TENM1: variants seen among roughly 807,000 people sequenced by gnomAD.
TENM1 encodes teneurin transmembrane protein 1, also known as teneurin-1.
TENM1 carries 35 observed loss-of-function variants against 174.8 expected under a neutral mutation model. That is an observed-to-expected ratio of 0.20 (90% CI 0.15 to 0.27). TENM1 has a LOEUF of 0.27. Among genes scored for constraint, TENM1 ranks in the 10% least tolerant of loss-of-function variants. The pLI, the probability that TENM1 is intolerant of heterozygous loss-of-function variation, is 1.00. For synonymous variants in TENM1, 781 were observed against 798.7 expected, an observed-to-expected ratio of 0.98 and a Z score of 0.37; for missense variants, 1,633 against 2,130.1, an observed-to-expected ratio of 0.77 and a Z score of 4.59.
Position 124,810,425 on chromosome X carries a change from T to C in TENM1, c.536-73228A>G, listed in dbSNP as rs773995415. Among the ~76,000 whole-genome samples the C allele has an allele frequency of 4.5e-5, 5 of 111,012 alleles. No homozygotes were observed. The South Asian group carries it at 1.5e-3, about 33-fold the overall frequency. The stretch of plus-strand genomic sequence containing the variant: ...TGTTTCTCCAACTTAATGAGTTATC[T>C]GAAAGAGAAAGAAAAACAATCCTGT... On this transcript the variant is annotated intron_variant, in intron 3 of 31. Coordinates refer to ENST00000422452, the Ensembl canonical transcript of TENM1.
the TENM1 span, among the ~76,000 whole-genome samples, chrX:125,201,975 G>A: frequency 4.9e-4 from 55 of 111,186 alleles, no homozygotes; most frequent in Admixed American, 5.2e-3. Context: ...AGCAAGGAGC[G>A]GGGGTGAGCA....
intron 11 of TENM1, among the ~76,000 whole-genome samples, chrX:124,597,946 C>A (rs982192638): frequency 4.5e-5 from 5 of 111,070 alleles, no homozygotes; most frequent in African/African-American, 1.6e-4. Context: ...AAGAAACAAC[C>A]CACAGAATGG....
the TENM1 span, among the ~76,000 whole-genome samples, chrX:125,073,714 T>C: frequency 9.0e-6 from 1 of 111,199 alleles, no homozygotes; most frequent in African/African-American, 3.3e-5. Context: ...GAGGCCCTAA[T>C]GTCTGCCAAG....
At chrX:124,409,374 C>A (rs1381616870) in intron 25 of TENM1, among the ~76,000 whole-genome samples, 1 of 108,564 alleles carries the variant, frequency 9.2e-6, no homozygotes, top group Non-Finnish European at 1.9e-5. Context: ...GGACGTATCT[C>A]AAAATAATAA....
At chrX:124,667,295 T>TTAAA (rs1281888034) in intron 6 of TENM1, among the ~76,000 whole-genome samples, 2 of 111,503 alleles carry the variant, frequency 1.8e-5, no homozygotes, top group Non-Finnish European at 3.8e-5. Flanking sequence ...TGTTTACTGG[T>TTAAA]TAAATAGTTA....
chrX:124,706,219 C>T (rs1482974215), intron 4 of TENM1, among the ~76,000 whole-genome samples: 2 of 112,172 alleles, frequency 1.8e-5, no homozygotes, highest in African/African-American at 6.5e-5. Flanking sequence ...AGTTTTTAAG[C>T]ATTTTGAAGT....
At chrX:124,881,420 C>CT (rs113458116) in intron 3 of TENM1, among the ~76,000 whole-genome samples, 21 of 108,893 alleles carry the variant, frequency 1.9e-4, no homozygotes, top group African/African-American at 3.7e-4. Context: ...GGTCTACTCT[C>CT]TTTTTTTTTG....
At chrX:124,439,911 T>A (rs1468633075) in intron 23 of TENM1, among the ~76,000 whole-genome samples, 1 of 111,761 alleles carries the variant, frequency 8.9e-6, no homozygotes, top group Non-Finnish European at 1.9e-5. Flanking sequence ...AGTAACATTA[T>A]CACCCCCATT....
exon 32 of TENM1, chrX:124,377,531 T>C (rs1194848986): frequency 2.7e-5 from 3 of 112,030 alleles, no homozygotes; most frequent in Non-Finnish European, 5.6e-5. Context: ...AGTAAACATA[T>C]TTAAATGTGT....
intron 1 of TENM1, among the ~76,000 whole-genome samples, chrX:124,905,263 G>A: frequency 9.0e-6 from 1 of 111,014 alleles, no homozygotes; most frequent in Non-Finnish European, 1.9e-5. Flanking sequence ...CTGCACCACT[G>A]TTACTCAAGC....
chrX:124,566,840 C>T (rs2048952454), intron 11 of TENM1, among the ~76,000 whole-genome samples: 2 of 111,885 alleles, frequency 1.8e-5, no homozygotes, highest in African/African-American at 3.2e-5. Context: ...AAGATAACTG[C>T]ATCCTTGATT....
chrX:124,811,652 T>C (rs2055776725), intron 3 of TENM1, among the ~76,000 whole-genome samples: 1 of 111,454 alleles, frequency 9.0e-6, no homozygotes, highest in South Asian at 3.7e-4. Context: ...AATCCAGCAA[T>C]CCCACTATGG....
intron 3 of TENM1, among the ~76,000 whole-genome samples, chrX:124,862,475 A>T (rs984673812): frequency 1.8e-5 from 2 of 111,454 alleles, no homozygotes; most frequent in African/African-American, 6.5e-5. Context: ...GAACACAGCA[A>T]TTATGAGACA....
rs768571434 is a variant in TENM1 at position 124,445,240 on chromosome X, A to G, written c.4104+8097T>C. ...TGGATGGTGAAAGTTAAAGGAAGAC[A>G]AAAAGTCAAAGGGATCCAAGAAGAG... is the stretch of plus-strand genomic sequence containing the variant. On this transcript the variant is annotated intron_variant, in intron 23 of 31. Coordinates refer to ENST00000422452, the Ensembl canonical transcript of TENM1. Among the ~76,000 whole-genome samples, 8 of 111,934 alleles carry G rather than the reference A, an allele frequency of 7.1e-5. No individual in the cohort carries two copies. In the South Asian group the frequency reaches 3.0e-3, roughly 42 times the overall value.
At chrX:125,082,221 T>A in the TENM1 span, among the ~76,000 whole-genome samples, 1 of 110,820 alleles carries the variant, frequency 9.0e-6, no homozygotes, top group African/African-American at 3.3e-5. Context: ...CCTACCCTTG[T>A]CCACACCACC....
At position 124,866,165 on chromosome X, in the gene TENM1, T is replaced by C. The variant is rs182673905; in HGVS notation, c.535+28131A>G. Among the ~76,000 whole-genome samples the C allele has an allele frequency of 4.8e-4, 54 of 112,000 alleles. No individual in the cohort carries two copies. In the East Asian group the frequency reaches 0.013, roughly 27 times the overall value. On this transcript the variant is annotated intron_variant, in intron 3 of 31. Transcript: ENST00000422452. ...TGCACTATAGACCACATGGATGTAA[T>C]AGATATTTACAGAACATTTCATCCA...
chrX:124,577,538 T>C (rs898048697), intron 11 of TENM1, among the ~76,000 whole-genome samples: 6 of 112,074 alleles, frequency 5.4e-5, no homozygotes, highest in Non-Finnish European at 1.1e-4. Context: ...TTTTACTCTA[T>C]GGCAATCATC....
intron 3 of TENM1, among the ~76,000 whole-genome samples, chrX:124,869,775 A>G (rs2147472472): frequency 9.2e-6 from 1 of 108,114 alleles, no homozygotes; most frequent in South Asian, 4.3e-4. Context: ...AAAAATCAAA[A>G]TAATTGAACT....
intron 5 of TENM1, among the ~76,000 whole-genome samples, chrX:124,701,516 G>A (rs1411151009): frequency 9.0e-6 from 1 of 111,724 alleles, no homozygotes; most frequent in Admixed American, 9.6e-5. Flanking sequence ...TACTTCATAT[G>A]GCTTATTTGT....
Sources: gnomAD v4.1 joint callset for allele counts (sites outside exome capture counted in the v4.1 genomes callset) on GRCh38, gnomAD v4.1.1 for gene constraint, MANE v1.5 for transcripts, NCBI Gene and HGNC (gene_info 2026-07-23, HGNC 2026-07-21) for gene names.